The following NLRP14 variants were observed in gnomAD, a reference collection of about 807,000 sequenced individuals.
The protein encoded by NLRP14 is NLR family pyrin domain containing 14, also known as NACHT, LRR and PYD domains-containing protein 14.
NLRP14 carries 105 observed loss-of-function variants against 94.7 expected under a neutral mutation model. The ratio of observed to expected loss-of-function variants is 1.11; its 90% CI spans 0.95 to 1.30. NLRP14 has a LOEUF of 1.30. Ranked by LOEUF, NLRP14 falls within the 50% of genes most tolerant of loss-of-function variation. The pLI is 0.00. For missense variants in NLRP14, 1,362 were observed against 1,254.1 expected (o/e 1.09, Z -1.30); for synonymous variants, 508 against 459.9 (o/e 1.10, Z -1.34).
At chr11:7,032,150 A>G (rs191349224) in intron 1 of NLRP14, among the ~76,000 whole-genome samples, 1 of 152,326 alleles carries the variant, frequency 6.6e-6, no homozygotes, top group Admixed American at 6.5e-5. Flanking sequence ...CTAATGAGAG[A>G]TAATTGTCAA....
intron 8 of NLRP14, 98 bp downstream of exon 8, chr11:7,058,548 T>C: frequency 1.1e-6 from 1 of 918,194 alleles, no homozygotes; most frequent in Non-Finnish European, 1.7e-6. Flanking sequence ...CCCTTGCTTT[T>C]TCCCTGTTAC....
chr11:7,086,969 C>T, the NLRP14 span, among the ~76,000 whole-genome samples: 4 of 152,268 alleles, frequency 2.6e-5, no homozygotes, highest in African/African-American at 9.6e-5. Context: ...AATGTCTTAA[C>T]ATATGTCCCT....
In NLRP14 at chr11:7,034,085, A is replaced by G. The variant is rs377589962; in HGVS notation, c.-21-4481A>G. Among the ~76,000 whole-genome samples the G allele has an allele frequency of 4.5e-4, 68 of 152,318 alleles. No homozygotes were observed. The East Asian group carries it at 7.5e-3, about 17-fold the overall frequency. On this transcript the variant is annotated intron_variant, in intron 1 of 11. Transcript: ENST00000299481. ...TGGAAAGAAATCAATAAGCACAGTC[A>G]GCGCTCTGGGAGGTGGGGTGCAGTT...
chr11:7,081,811 C>A, the NLRP14 span, among the ~76,000 whole-genome samples: 1 of 152,146 alleles, frequency 6.6e-6, no homozygotes, highest in South Asian at 2.1e-4. Flanking sequence ...TATATGAGAT[C>A]TCATTATATA....
chr11:7,089,491 G>A, the NLRP14 span: 25 of 1,239,118 alleles, frequency 2.0e-5, no homozygotes, highest in East Asian at 7.8e-5. Flanking sequence ...TCCCCATCCC[G>A]GGGCGGGCCC....
intron 1 of NLRP14, among the ~76,000 whole-genome samples, chr11:7,031,069 G>C (rs575273741): frequency 6.6e-6 from 1 of 152,348 alleles, no homozygotes; most frequent in East Asian, 1.9e-4. Flanking sequence ...TAGCGGGTTT[G>C]CTCTTCTCTC....
intron 1 of NLRP14, among the ~76,000 whole-genome samples, chr11:7,023,178 AAGAGG>A (rs1362819733): frequency 6.6e-6 from 1 of 151,570 alleles, no homozygotes; most frequent in East Asian, 1.9e-4. Flanking sequence ...TCCACCAGAG[AAGAGG>A]AAAGAATACG....
At chr11:7,048,982 C>T (rs903282665) in intron 5 of NLRP14, among the ~76,000 whole-genome samples, 7 of 151,020 alleles carry the variant, frequency 4.6e-5, no homozygotes, top group Middle Eastern at 3.4e-3. Flanking sequence ...GCTTTATTTT[C>T]CTGTGTGTAC....
Position 7,047,763 on chromosome 11 carries a change from C to CTTTTTTTTTTT in NLRP14, c.2123+935_2123+936insTTTTTTTTTTT, listed in dbSNP as rs370253823. ...AATTTATCTTCTTTCTCTTTCTTTT[C>CTTTTTTTTTTT]TTTTCTTTTTTTTTTTTGAGACAGT... On this transcript the variant is annotated intron_variant, in intron 5 of 11. Coordinates refer to ENST00000299481, the MANE Select transcript of NLRP14 (RefSeq NM_176822.4). Among the ~76,000 whole-genome samples the CTTTTTTTTTTT allele has an allele frequency of 7.3e-5, 9 of 123,840 alleles. 1 individual carries two copies. The highest frequency in any genetic ancestry group is 1.2e-4 in the Non-Finnish European group (7 of 60,736). The allele number at this position is 123,840 out of a possible 152,430, so 81.2% of individuals were successfully genotyped here.
chr11:7,071,233 C>G lies in NLRP14; in HGVS notation c.3207C>G (p.Ser1069Arg), dbSNP rs200710011. The change falls in exon 12 of 12, where the codon AGC becomes AGG. Residue 1069 changes from serine (S) to arginine (R), a missense_variant. Ser to Arg is a moderately radical substitution (Grantham distance 110). Transcript: ENST00000299481. ...AGCTGCTGGAAGCTGTGGGAGTTAGCAATCCACACTTAATCATTAAGCCAG... is the reference window on the plus strand; with the variant it reads ...AGCTGCTGGAAGCTGTGGGAGTTAGGAATCCACACTTAATCATTAAGCCAG... Reference protein sequence around the residue: ...AQKLLEAVGVSNPHLIIKPDC... With the variant: ...AQKLLEAVGVRNPHLIIKPDC... The G allele has an allele frequency of 2.8e-5, 45 of 1,612,578 alleles. No homozygotes were observed. The Admixed American group carries it at 7.2e-4, about 26-fold the overall frequency.
intron 1 of NLRP14, among the ~76,000 whole-genome samples, chr11:7,031,754 G>T (rs1479070906): frequency 1.3e-5 from 2 of 152,112 alleles, no homozygotes; most frequent in Non-Finnish European, 2.9e-5. Context: ...TCTTCCCCTA[G>T]CCCCTCTCCC....
chr11:7,049,974 T>C, intron 6 of NLRP14, 136 bp downstream of exon 6: 3 of 766,406 alleles, frequency 3.9e-6, no homozygotes, highest in Non-Finnish European at 6.9e-6. Context: ...GTAGCAAGCA[T>C]CTGTAGAATC....
intron 1 of NLRP14, among the ~76,000 whole-genome samples, chr11:7,036,326 G>A (rs754095419): frequency 1.2e-4 from 19 of 152,194 alleles, no homozygotes; most frequent in Admixed American, 7.2e-4. Context: ...ATTCCTTCGA[G>A]GACAGCGTAA....
chr11:7,031,592 TC>T (rs1414962932), intron 1 of NLRP14, among the ~76,000 whole-genome samples: 1 of 152,162 alleles, frequency 6.6e-6, no homozygotes, highest in East Asian at 1.9e-4. Context: ...TTCTTGAATC[TC>T]CTGGATTAAA....
At chr11:7,068,886 T>C (rs1167374914) in intron 10 of NLRP14, among the ~76,000 whole-genome samples, 1 of 152,132 alleles carries the variant, frequency 6.6e-6, no homozygotes, top group East Asian at 1.9e-4. Flanking sequence ...ATTCCTGGCC[T>C]CAAGCTACTC....
At chr11:7,082,902 G>A in the NLRP14 span, among the ~76,000 whole-genome samples, 1 of 152,168 alleles carries the variant, frequency 6.6e-6, no homozygotes, top group Non-Finnish European at 1.5e-5. Context: ...TGAGGTGAAG[G>A]CACAATCTGA....
chr11:7,031,848 G>C lies in NLRP14; in HGVS notation c.-21-6718G>C, dbSNP rs1029093284. Among the ~76,000 whole-genome samples, 3 of 152,152 alleles carry C rather than the reference G, an allele frequency of 2.0e-5. No individual in the cohort carries two copies. In the South Asian group the frequency reaches 6.2e-4, roughly 32 times the overall value. On this transcript the variant is annotated intron_variant, in intron 1 of 11. Transcript: ENST00000299481. ...CTGGTGCTCCAGGTTATCAGTATCTGTCTCTCCACTTCTCCCTAGCAAAGT... is the reference window on the plus strand; with the variant it reads ...CTGGTGCTCCAGGTTATCAGTATCTCTCTCTCCACTTCTCCCTAGCAAAGT...
chr11:7,037,280 C>A (rs1038776065), intron 1 of NLRP14, among the ~76,000 whole-genome samples: 1 of 152,136 alleles, frequency 6.6e-6, no homozygotes, highest in Non-Finnish European at 1.5e-5. Context: ...AAACAAACAA[C>A]CTTAAAACAG....
intron 10 of NLRP14, among the ~76,000 whole-genome samples, chr11:7,069,262 C>G (rs949141044): frequency 6.6e-6 from 1 of 152,150 alleles, no homozygotes; most frequent in African/African-American, 2.4e-5. Context: ...GTGGGACTAT[C>G]TCTTCATCAC....
Sources: allele counts gnomAD v4.1 joint callset (sites outside exome capture counted in the v4.1 genomes callset), GRCh38; gene constraint gnomAD v4.1.1; transcripts MANE v1.5; gene names NCBI Gene and HGNC (gene_info 2026-07-23, HGNC 2026-07-21).